Variants in SNX30 observed in about 807,000 individuals in gnomAD.
The protein encoded by SNX30 is sorting nexin-30.
In SNX30, 24 loss-of-function variants were observed where a neutral mutation model predicts 46.4. The observed-to-expected ratio is 0.52, with a 90% CI of 0.37 to 0.73. SNX30 has a LOEUF of 0.73. Among genes scored for constraint, SNX30 ranks in the 30% least tolerant of loss-of-function variants. The probability of loss-of-function intolerance (pLI) is 0.00; values close to 1 mark genes in which losing one functional copy is unlikely to be tolerated. For synonymous variants in SNX30, 189 were observed against 211.5 expected (o/e 0.89, Z 0.92); for missense variants, 533 against 555.7 (o/e 0.96, Z 0.41).
In SNX30 at chr9:112,871,563, A is replaced by T. The variant is rs1429684331; in HGVS notation, c.*2720A>T. 6.6e-6 allele frequency: 1 copy of T among 151,814 alleles called. No individual in the cohort carries two copies. Among genetic ancestry groups the T allele is most frequent in the Non-Finnish European group, 1.5e-5 (1 of 67,978 alleles). The allele number at this position is 151,814 out of a possible 1,614,324, so 9.4% of individuals were successfully genotyped here. ...ATCAGTACTCCTCTCTTAAGTATTT[A>T]TTATTATTATTATTTACTTTACCTC... is the stretch of plus-strand genomic sequence containing the variant. On this transcript the variant is annotated 3_prime_UTR_variant, in exon 9 of 9. Coordinates refer to ENST00000374232, the MANE Select transcript of SNX30 (RefSeq NM_001012994.2).
intron 1 of SNX30, among the ~76,000 whole-genome samples, chr9:112,778,820 T>C (rs1839793758): frequency 6.8e-6 from 1 of 147,230 alleles, no homozygotes; most frequent in South Asian, 2.1e-4. Context: ...GGCAGGTGGA[T>C]GAACAGGCAA....
chr9:112,855,078 T>TAGCCCTCCACACACCTGTCCTCCCC (rs1841099054), intron 7 of SNX30, among the ~76,000 whole-genome samples: 1 of 152,228 alleles, frequency 6.6e-6, no homozygotes, highest in African/African-American at 2.4e-5. Context: ...CCTGCCTCCC[T>TAGCCCTCCACACACCTGTCCTCCCC]AGCCCTCCAC....
intron 1 of SNX30, among the ~76,000 whole-genome samples, chr9:112,769,747 A>G (rs11792606): frequency 0.061 from 9,312 of 152,114 alleles, 625 homozygotes; most frequent in African/African-American, 0.16. Flanking sequence ...ACACATCTAC[A>G]CACTGATAAC....
At chr9:112,773,646 T>C (rs1029271671) in intron 1 of SNX30, among the ~76,000 whole-genome samples, 14 of 152,154 alleles carry the variant, frequency 9.2e-5, no homozygotes, top group Non-Finnish European at 1.5e-4. Flanking sequence ...GATTATATAG[T>C]GAGACTATGA....
chr9:112,864,989 GCA>G (rs1206923132), intron 8 of SNX30, among the ~76,000 whole-genome samples: 1 of 48,316 alleles, frequency 2.1e-5, no homozygotes, highest in African/African-American at 6.8e-5. Flanking sequence ...ACATGCGCGT[GCA>G]CACACACACA....
intron 1 of SNX30, among the ~76,000 whole-genome samples, chr9:112,768,652 T>TC (rs753280653): frequency 4.0e-5 from 3 of 74,302 alleles, no homozygotes; most frequent in East Asian, 4.4e-4. Flanking sequence ...TTCTTCTTTT[T>TC]TTTTTTTTTT....
At chr9:112,838,036 G>A (rs953932113) in intron 5 of SNX30, among the ~76,000 whole-genome samples, 2 of 151,246 alleles carry the variant, frequency 1.3e-5, no homozygotes, top group Non-Finnish European at 2.9e-5. Context: ...GACTATAGGC[G>A]CCTGCCACCA....
intron 1 of SNX30, among the ~76,000 whole-genome samples, chr9:112,763,996 A>G (rs918529907): frequency 6.6e-6 from 1 of 152,044 alleles, no homozygotes; most frequent in Non-Finnish European, 1.5e-5. Flanking sequence ...CACATCACCC[A>G]CCCCTCTTCC....
At chr9:112,770,075 C>G (rs573856803) in intron 1 of SNX30, among the ~76,000 whole-genome samples, 2 of 152,230 alleles carry the variant, frequency 1.3e-5, no homozygotes, top group African/African-American at 4.8e-5. Flanking sequence ...TTCCACCTTC[C>G]CACCTTCAGT....
chr9:112,883,404 G>A (rs1426113657), downstream of SNX30, among the ~76,000 whole-genome samples: 5 of 152,106 alleles, frequency 3.3e-5, no homozygotes, highest in Non-Finnish European at 7.4e-5. Context: ...TCCTGTCTCT[G>A]CCACTTCCTA....
intron 1 of SNX30, among the ~76,000 whole-genome samples, chr9:112,773,886 C>T (rs1564264037): frequency 6.6e-6 from 1 of 152,144 alleles, no homozygotes; most frequent in Non-Finnish European, 1.5e-5. Context: ...CACGTCTTCT[C>T]CTTAATTTGA....
intron 1 of SNX30, among the ~76,000 whole-genome samples, chr9:112,763,498 A>G (rs1251811380): frequency 2.8e-5 from 4 of 144,474 alleles, no homozygotes; most frequent in African/African-American, 1.0e-4. Flanking sequence ...CTGGGATTAT[A>G]GATGTGAGCC....
rs1490685927 is a variant in SNX30, at chr9:112,850,910, G to C, written c.1066G>C (p.Glu356Gln). The change falls in exon 7 of 9, where the codon GAA becomes CAA. Residue 356 changes from glutamate (E) to glutamine (Q), a missense_variant. Physicochemically the swap from Glu to Gln is conservative, Grantham distance 29. Transcript: ENST00000374232. ...TCAAGCAGAGTATGAAGCCAAACTG[G>C]AAGCTGTGGCTCTGCGGAAGGAAGA... ...QVQAEYEAKL[E>Q]AVALRKEDRP... The C allele has an allele frequency of 6.2e-7, 1 of 1,614,052 alleles. No individual in the cohort carries two copies. The highest frequency in any genetic ancestry group is 8.5e-7 in the Non-Finnish European group (1 of 1,180,000).
rs1841449839 is a variant in SNX30, at chr9:112,871,811, T to G, written c.*2968T>G. The G allele has an allele frequency of 7.1e-6, 1 of 140,866 alleles. No homozygotes were observed. The highest frequency in any genetic ancestry group is 2.3e-4 in the South Asian group (1 of 4,308). 8.7% of individuals were successfully genotyped at this position (140,866 alleles called of 1,614,324 possible). On this transcript the variant is annotated 3_prime_UTR_variant, in exon 9 of 9. Transcript: ENST00000374232. Reference sequence around the variant, plus strand: ...TGTAGCAAGCATGGGCACTGCTTTTTCTTACTAATGTGGTAGATCTACACG... The same window carrying G: ...TGTAGCAAGCATGGGCACTGCTTTTGCTTACTAATGTGGTAGATCTACACG...
chr9:112,824,439 C>T (rs1840551462), intron 3 of SNX30, among the ~76,000 whole-genome samples: 1 of 151,906 alleles, frequency 6.6e-6, no homozygotes, highest in African/African-American at 2.4e-5. Context: ...CGATGAGTCC[C>T]GTTGAAACTC....
chr9:112,769,663 A>G (rs1371379373), intron 1 of SNX30, among the ~76,000 whole-genome samples: 1 of 152,096 alleles, frequency 6.6e-6, no homozygotes, highest in African/African-American at 2.4e-5. Flanking sequence ...TAAATGTTGG[A>G]CTGCTGTAGG....
intron 8 of SNX30, among the ~76,000 whole-genome samples, chr9:112,865,757 G>T (rs112787613): frequency 1.4e-5 from 2 of 146,334 alleles, no homozygotes; most frequent in East Asian, 4.0e-4. Flanking sequence ...GTGTGTGTGT[G>T]TGTATGTATG....
intron 1 of SNX30, among the ~76,000 whole-genome samples, chr9:112,785,855 A>G (rs1839916110): frequency 1.3e-5 from 2 of 152,158 alleles, no homozygotes; most frequent in African/African-American, 4.8e-5. Context: ...GTCTAACAAC[A>G]CTATACCTAG....
intron 6 of SNX30, among the ~76,000 whole-genome samples, chr9:112,842,461 G>C (rs2131466711): frequency 6.6e-6 from 1 of 152,372 alleles, no homozygotes; most frequent in South Asian, 2.1e-4. Context: ...CCCTGGATGG[G>C]AAAATGCCAG....
Sources: gnomAD v4.1 joint callset for allele counts (sites outside exome capture counted in the v4.1 genomes callset) on GRCh38, gnomAD v4.1.1 for gene constraint, MANE v1.5 for transcripts, NCBI Gene and HGNC (gene_info 2026-07-23, HGNC 2026-07-21) for gene names.